GRIN2B: variants seen among roughly 807,000 people sequenced by gnomAD.
The protein encoded by GRIN2B is glutamate ionotropic receptor NMDA type subunit 2B.
Under a neutral mutation model 114.5 loss-of-function variants are expected in GRIN2B, and 5 were observed. The ratio of observed to expected loss-of-function variants is 0.04; its 90% CI spans 0.02 to 0.09. The LOEUF (loss-of-function observed/expected upper bound fraction) is 0.09. Among genes scored for constraint, GRIN2B ranks in the 10% least tolerant of loss-of-function variants. GRIN2B has a pLI of 1.00. For synonymous variants in GRIN2B, 787 were observed against 745.1 expected, an observed-to-expected ratio of 1.06 and a Z score of -0.92; for missense variants, 1,108 against 1,943.5, an observed-to-expected ratio of 0.57 and a Z score of 8.08.
rs219898 is a variant in GRIN2B, at chr12:13,937,097, G to A, written c.-19+42831C>T. 3.1e-3 allele frequency among the ~76,000 whole-genome samples: 93 copies of A among 30,094 alleles called. No homozygotes were observed. In the East Asian group the frequency reaches 0.043, roughly 14 times the overall value. 19.7% of individuals were successfully genotyped at this position (30,094 alleles called of 152,430 possible). On this transcript the variant is annotated intron_variant, in intron 2 of 13. Transcript: ENST00000609686. Reference sequence around the variant, plus strand: ...ACAGCACAGAAATAAAAAAAAAAAAGGGGGGGGGGAAGATTGAAGAAAAAT... The same window carrying A: ...ACAGCACAGAAATAAAAAAAAAAAAAGGGGGGGGGAAGATTGAAGAAAAAT...
rs1399075022 is a variant in GRIN2B at position 13,884,326 on chromosome 12, C to T, written c.-18-18100G>A. ...TCTACAAAAATTTAAGAAACGTAGACACCTTAACAATATTGAGTCAGATAT... is the reference window on the plus strand; with the variant it reads ...TCTACAAAAATTTAAGAAACGTAGATACCTTAACAATATTGAGTCAGATAT... On this transcript the variant is annotated intron_variant, in intron 2 of 13. Coordinates refer to ENST00000609686, the MANE Select transcript of GRIN2B (RefSeq NM_000834.5). Among the ~76,000 whole-genome samples the T allele has an allele frequency of 1.3e-5, 2 of 151,956 alleles. 1 individual carries two copies. Among genetic ancestry groups the T allele is most frequent in the Non-Finnish European group, 2.9e-5 (2 of 67,980 alleles).
chr12:13,955,792 A>G (rs1187065314), intron 2 of GRIN2B, among the ~76,000 whole-genome samples: 1 of 152,196 alleles, frequency 6.6e-6, no homozygotes, highest in African/African-American at 2.4e-5. Context: ...TTAAGACACA[A>G]AGAGCCATCC....
At chr12:13,891,241 A>G (rs149181753) in intron 2 of GRIN2B, among the ~76,000 whole-genome samples, 49 of 152,300 alleles carry the variant, frequency 3.2e-4, no homozygotes, top group African/African-American at 1.1e-3. Flanking sequence ...GTTTTCTGCC[A>G]AGACTCTGGC....
chr12:13,846,673 C>A (rs751745920), intron 3 of GRIN2B, among the ~76,000 whole-genome samples: 2 of 152,136 alleles, frequency 1.3e-5, no homozygotes. Context: ...CACATTCCCC[C>A]GGAAGCCACG....
At chr12:13,791,487 G>T (rs1000933826) in intron 3 of GRIN2B, among the ~76,000 whole-genome samples, 1 of 151,074 alleles carries the variant, frequency 6.6e-6, no homozygotes, top group East Asian at 1.9e-4. Flanking sequence ...TCCATGTCAT[G>T]TGAAAGGCTT....
Position 13,689,781 on chromosome 12 carries a change from A to G in GRIN2B, c.1011-13922T>C, listed in dbSNP as rs545346500. Among the ~76,000 whole-genome samples the G allele has an allele frequency of 1.3e-3, 202 of 152,266 alleles. 1 individual carries two copies. Among genetic ancestry groups the G allele is most frequent in the African/African-American group, 4.4e-3 (183 of 41,570 alleles). ...CTGTTTGGAATTCTCTCATCTTTACATGAACTCTTGCTGAAGCCAAGAACC... is the reference window on the plus strand; with the variant it reads ...CTGTTTGGAATTCTCTCATCTTTACGTGAACTCTTGCTGAAGCCAAGAACC... On this transcript the variant is annotated intron_variant, in intron 4 of 13. Coordinates refer to ENST00000609686, the MANE Select transcript of GRIN2B (RefSeq NM_000834.5).
intron 2 of GRIN2B, among the ~76,000 whole-genome samples, chr12:13,933,513 G>C (rs187880199): frequency 6.6e-6 from 1 of 152,118 alleles, no homozygotes; most frequent in Non-Finnish European, 1.5e-5. Context: ...TTACAGTTCT[G>C]TTCTATTTTT....
rs756363447 is a variant in GRIN2B, at chr12:13,675,809, T to A, written c.1061A>T (p.Asp354Val). ...CAGTTTCGGGTGCATCTGGTAGCCA[T>A]CTTCACTGAAGGACAAATTCCTCCC... ...FEGRNLSFSE[D>V]GYQMHPKLVI... Residue 354 changes from aspartate (D) to valine (V), a missense_variant, in exon 5 of 14, where the codon GAT (aspartate) becomes GTT (valine). Asp to Val is a radical substitution (Grantham distance 152). Coordinates refer to ENST00000609686, the MANE Select transcript of GRIN2B (RefSeq NM_000834.5). 1.2e-6 allele frequency: 2 copies of A among 1,611,952 alleles called. No individual in the cohort carries two copies. The highest frequency in any genetic ancestry group is 1.7e-6 in the Non-Finnish European group (2 of 1,178,236).
intron 10 of GRIN2B, among the ~76,000 whole-genome samples, chr12:13,582,327 T>C (rs1948864019): frequency 6.6e-6 from 1 of 152,222 alleles, no homozygotes; most frequent in African/African-American, 2.4e-5. Flanking sequence ...GGCTGAATTA[T>C]GGAAACAATA....
chr12:13,815,707 T>A (rs1864809955), intron 3 of GRIN2B, among the ~76,000 whole-genome samples: 1 of 152,214 alleles, frequency 6.6e-6, no homozygotes, highest in Non-Finnish European at 1.5e-5. Flanking sequence ...CCTTGCCTGG[T>A]GTTGCTCATG....
At position 13,882,435 on chromosome 12, in the gene GRIN2B, T is replaced by C. The variant is rs1472664819; in HGVS notation, c.-18-16209A>G. On this transcript the variant is annotated intron_variant, in intron 2 of 13. Coordinates refer to ENST00000609686, the MANE Select transcript of GRIN2B (RefSeq NM_000834.5). ...ACAAATAAAAATTTTTTTTTCAAAATTGGCAAATATGATCTATTTTTTAAA... is the reference window on the plus strand; with the variant it reads ...ACAAATAAAAATTTTTTTTTCAAAACTGGCAAATATGATCTATTTTTTAAA... Among the ~76,000 whole-genome samples the C allele has an allele frequency of 4.6e-5, 7 of 152,090 alleles. No individual in the cohort carries two copies. In the South Asian group the frequency reaches 1.4e-3, roughly 31 times the overall value.
At chr12:13,622,126 T>C (rs1006699587) in intron 5 of GRIN2B, among the ~76,000 whole-genome samples, 1 of 152,220 alleles carries the variant, frequency 6.6e-6, no homozygotes, top group African/African-American at 2.4e-5. Flanking sequence ...GAAAGTCATT[T>C]TTTAAGATTC....
chr12:13,714,257 C>G (rs1357287583), intron 4 of GRIN2B, among the ~76,000 whole-genome samples: 2 of 151,790 alleles, frequency 1.3e-5, no homozygotes, highest in Admixed American at 6.6e-5. Flanking sequence ...TTGCAGTCAG[C>G]TCTTTTAATA....
At chr12:13,786,450 G>C (rs1207553440) in intron 3 of GRIN2B, among the ~76,000 whole-genome samples, 3 of 152,120 alleles carry the variant, frequency 2.0e-5, no homozygotes, top group Non-Finnish European at 4.4e-5. Context: ...GTCTCTCAAA[G>C]AGTGCCACAT....
chr12:13,891,402 C>T (rs1476566868), intron 2 of GRIN2B, among the ~76,000 whole-genome samples: 2 of 152,050 alleles, frequency 1.3e-5, no homozygotes, highest in African/African-American at 2.4e-5. Flanking sequence ...AAATTACAGG[C>T]TCCACTGAAT....
At chr12:13,850,757 G>A (rs188251290) in intron 3 of GRIN2B, among the ~76,000 whole-genome samples, 1 of 152,164 alleles carries the variant, frequency 6.6e-6, no homozygotes, top group Admixed American at 6.5e-5. Context: ...TCCCAGGAGG[G>A]CTGAATAAAT....
chr12:13,602,812 G>T (rs1949180019), intron 10 of GRIN2B, among the ~76,000 whole-genome samples: 2 of 152,186 alleles, frequency 1.3e-5, no homozygotes, highest in Admixed American at 6.5e-5. Context: ...CCCTCATTAA[G>T]CAGATGAGCA....
intron 3 of GRIN2B, among the ~76,000 whole-genome samples, chr12:13,824,580 C>T (rs937972956): frequency 2.6e-5 from 4 of 152,010 alleles, no homozygotes; most frequent in African/African-American, 4.8e-5. Context: ...TTAGGCCAGG[C>T]GCGGTGGCTC....
chr12:13,811,201 T>C (rs1280735222), intron 3 of GRIN2B, among the ~76,000 whole-genome samples: 1 of 152,136 alleles, frequency 6.6e-6, no homozygotes, highest in African/African-American at 2.4e-5. Context: ...CCAAACACTC[T>C]CTCCTCCTAT....
Sources: gnomAD v4.1 joint callset for allele counts (sites outside exome capture counted in the v4.1 genomes callset) on GRCh38, gnomAD v4.1.1 for gene constraint, MANE v1.5 for transcripts, NCBI Gene and HGNC (gene_info 2026-07-23, HGNC 2026-07-21) for gene names.